ECSIT: variants seen among roughly 807,000 people sequenced by gnomAD.
ECSIT encodes the protein ECSIT signaling integrator.
A neutral mutation model predicts 36.8 loss-of-function variants in ECSIT; 29 were observed. That is an observed-to-expected ratio of 0.79 (90% confidence interval 0.59 to 1.08). The LOEUF (loss-of-function observed/expected upper bound fraction) is 1.08, where lower values mean the gene tolerates loss of function less well. Ranked by LOEUF, ECSIT falls within the 50% of genes least tolerant of loss-of-function variation. ECSIT has a pLI of 0.00. For missense variants in ECSIT, 542 were observed against 581.0 expected (o/e 0.93, Z 0.69); for synonymous variants, 231 against 234.8 (o/e 0.98, Z 0.15).
chr19:11,521,565 G>A (rs1052838539), intron 1 of ECSIT, among the ~76,000 whole-genome samples: 8 of 150,834 alleles, frequency 5.3e-5, no homozygotes, highest in Non-Finnish European at 8.8e-5. Flanking sequence ...CCAGGAGTTC[G>A]AGAGCAGCCT....
At chr19:11,527,308 C>T (rs755042613) in intron 1 of ECSIT, among the ~76,000 whole-genome samples, 3 of 152,090 alleles carry the variant, frequency 2.0e-5, no homozygotes, top group Non-Finnish European at 2.9e-5. Context: ...GGCGACAGAG[C>T]GAGATTCCAT....
At position 11,506,558 on chromosome 19, in the gene ECSIT, G is replaced by A. The variant is rs1317548260; in HGVS notation, c.1052-130C>T. ...TTTTTTTTTTTTTTTTTTTTGAGAC[G>A]GAGTCTCGCTGTGTCACCCAGGCTG... On this transcript the variant is annotated intron_variant, in intron 7 of 7. Coordinates refer to ENST00000270517, the MANE Select transcript of ECSIT (RefSeq NM_016581.5). The A allele has an allele frequency of 1.5e-5, 16 of 1,098,426 alleles. No homozygotes were observed. In the East Asian group the frequency reaches 4.2e-4, roughly 29 times the overall value. 68.0% of individuals were successfully genotyped at this position (1,098,426 alleles called of 1,614,324 possible).
chr19:11,505,932 G>A lies in ECSIT; in HGVS notation c.*252C>T, dbSNP rs751259802. On this transcript the variant is annotated 3_prime_UTR_variant, in exon 8 of 8. Transcript: ENST00000270517. ...GACCAAGAATGGAAACTGCGCATGC[G>A]CACAACCAACAGCGCTCCCGCCCCT... is the stretch of plus-strand genomic sequence containing the variant. 33 of 898,062 alleles carry A rather than the reference G, an allele frequency of 3.7e-5. No individual in the cohort carries two copies. Among genetic ancestry groups the A allele is most frequent in the Non-Finnish European group, 5.1e-5 (32 of 626,714 alleles). The allele number at this position is 898,062 out of a possible 1,614,324, so 55.6% of individuals were successfully genotyped here. A position where few individuals can be genotyped will look rare whatever the true frequency, so the allele number is the denominator to read the frequency against.
In ECSIT at chr19:11,513,386, A is replaced by G. The variant is rs916850938; in HGVS notation, c.515-107T>C. 6 of 972,344 alleles carry G rather than the reference A, an allele frequency of 6.2e-6. No individual in the cohort carries two copies. The Middle Eastern group carries it at 6.2e-4, about 100-fold the overall frequency. 60.2% of individuals were successfully genotyped at this position (972,344 alleles called of 1,614,324 possible). A position where few individuals can be genotyped will look rare whatever the true frequency, so the allele number is the denominator to read the frequency against. On this transcript the variant is annotated intron_variant, in intron 3 of 7. Coordinates refer to ENST00000270517, the MANE Select transcript of ECSIT (RefSeq NM_016581.5). ...GAGGGAATTGATCACAGACAGGGAG[A>G]AAAGAATCAGAGAGAATTAGAAAGA...
intron 1 of ECSIT, among the ~76,000 whole-genome samples, chr19:11,526,719 C>CTTTTTT (rs549859600): frequency 1.5e-5 from 2 of 131,740 alleles, no homozygotes; most frequent in African/African-American, 5.8e-5. Flanking sequence ...CCAGAGGGAG[C>CTTTTTT]TTTTTTTTTT....
intron 1 of ECSIT, among the ~76,000 whole-genome samples, chr19:11,524,571 G>A (rs746791487): frequency 2.0e-5 from 3 of 151,872 alleles, no homozygotes; most frequent in South Asian, 2.1e-4. Flanking sequence ...TGGGCACAGC[G>A]GCTCATGCTT....
chr19:11,520,335 CT>C (rs1178343435), intron 1 of ECSIT, among the ~76,000 whole-genome samples: 10 of 151,924 alleles, frequency 6.6e-5, no homozygotes, highest in African/African-American at 2.4e-4. Context: ...CCACGCCCGG[CT>C]AATTTTTGTA....
rs149646232 is a variant in ECSIT at position 11,507,437 on chromosome 19, G to A, written c.1051+20C>T. 1.3e-4 allele frequency: 204 copies of A among 1,600,362 alleles called. No homozygotes were observed. The highest frequency in any genetic ancestry group is 7.0e-4 in the African/African-American group (52 of 74,702). ...ATTACGAGCACACATGTGAGCCACC[G>A]CACCTGGCCCAGTTTTTACCTTCAT... On this transcript the variant is annotated intron_variant, in intron 7 of 7. Transcript: ENST00000270517.
At position 11,513,999 on chromosome 19, in the gene ECSIT, T is replaced by C. The variant is rs369570938; in HGVS notation, c.319A>G (p.Ile107Val). The change falls in exon 3 of 8, where the codon ATT becomes GTT. Residue 107 changes from isoleucine to valine, a missense_variant. By Grantham distance (29) the Ile-to-Val change is conservative. Transcript: ENST00000270517. ...CGCAGGGCCAGGTAGATGAAGTCAA[T>C]GTGGCCCCGCTTACGCACGCTGTGC... ...AEHSVRKRGH[I>V]DFIYLALRKM... 3.1e-6 allele frequency: 5 copies of C among 1,614,116 alleles called. No individual in the cohort carries two copies. The highest frequency in any genetic ancestry group is 1.7e-6 in the Non-Finnish European group (2 of 1,180,056).
rs140816082 is a variant in ECSIT at position 11,506,220 on chromosome 19, G to C, written c.1260C>G (p.Asp420Glu). The change falls in exon 8 of 8, where the codon GAC becomes GAG. Residue 420 changes from aspartate to glutamate, a missense_variant. Physicochemically the swap from Asp to Glu is conservative, Grantham distance 45. Coordinates refer to ENST00000270517, the MANE Select transcript of ECSIT (RefSeq NM_016581.5). ...PPLPEDHQEE[D>E]DNLQRQQQGQ... is the part of the protein sequence containing the mutation. The stretch of plus-strand genomic sequence containing the variant: ...CCTGCTGCTGTCGCTGCAGGTTGTC[G>C]TCTTCTTCCTGGTGGTCCTCGGGCA... The C allele has an allele frequency of 1.9e-5, 31 of 1,607,976 alleles. No individual in the cohort carries two copies. Among genetic ancestry groups the C allele is most frequent in the South Asian group, 3.3e-5 (3 of 91,084 alleles).
intron 4 of ECSIT, among the ~76,000 whole-genome samples, chr19:11,511,861 C>T (rs1002017057): frequency 3.9e-5 from 6 of 151,976 alleles, no homozygotes; most frequent in South Asian, 2.1e-4. Context: ...GGTAAAACCC[C>T]GTTTCTACTA....
intron 1 of ECSIT, among the ~76,000 whole-genome samples, chr19:11,526,332 T>G (rs1410285795): frequency 2.0e-5 from 3 of 152,194 alleles, no homozygotes. Context: ...GTGATCTGTG[T>G]GCTGATGGCT....
At position 11,513,170 on chromosome 19, in the gene ECSIT, C is replaced by G. The variant is rs758191837; in HGVS notation, c.624G>C (p.Met208Ile). ...GGGGCACTGGGAAGGGGTTGACGTT[C>G]ATGAATCGAGGGAACCACAGCTTCA... Reference protein sequence around the residue: ...VRLKLWFPRFMNVNPFPVPRD... With the variant: ...VRLKLWFPRFINVNPFPVPRD... The change falls in exon 4 of 8, where the codon ATG becomes ATC. Residue 208 changes from methionine (M) to isoleucine (I), a missense_variant. Transcript: ENST00000270517. 6.2e-7 allele frequency: 1 copy of G among 1,614,164 alleles called. No individual in the cohort carries two copies. The highest frequency in any genetic ancestry group is 8.5e-7 in the Non-Finnish European group (1 of 1,180,034).
intron 1 of ECSIT, among the ~76,000 whole-genome samples, chr19:11,521,263 A>C (rs1972097374): frequency 6.6e-6 from 1 of 152,184 alleles, no homozygotes; most frequent in African/African-American, 2.4e-5. Context: ...ATGTGAACAC[A>C]TGTTTATACT....
intron 2 of ECSIT, chr19:11,516,426 C>G (rs140012980): frequency 1.2e-4 from 19 of 152,146 alleles, no homozygotes; most frequent in Non-Finnish European, 2.8e-4. Flanking sequence ...CAAGGTTGTA[C>G]TGTGCTTTGA....
chr19:11,528,110 C>T (rs1356392250), intron 1 of ECSIT, among the ~76,000 whole-genome samples: 7 of 152,244 alleles, frequency 4.6e-5, no homozygotes, highest in Non-Finnish European at 8.8e-5. Flanking sequence ...AAGTTTATCC[C>T]ATCTCAGAAC....
At chr19:11,517,753 C>T (rs185695569) in intron 2 of ECSIT, among the ~76,000 whole-genome samples, 115 of 152,148 alleles carry the variant, frequency 7.6e-4, no homozygotes, top group African/African-American at 2.5e-3. Context: ...AGTGCGGGGC[C>T]GGGCACAGAG....
chr19:11,518,980 C>T, intron 2 of ECSIT, 95 bp downstream of exon 2: 1 of 1,071,260 alleles, frequency 9.3e-7, no homozygotes, highest in Admixed American at 2.0e-5. Context: ...CCCAGACTCA[C>T]CAGAACTGGC....
chr19:11,522,171 G>A (rs1258382201), intron 1 of ECSIT: 36 of 459,238 alleles, frequency 7.8e-5, no homozygotes, highest in Non-Finnish European at 1.2e-4. Context: ...GCAGGCATTC[G>A]AGAAGTACCG....
Sources: allele counts gnomAD v4.1 joint callset (sites outside exome capture counted in the v4.1 genomes callset), GRCh38; gene constraint gnomAD v4.1.1; transcripts MANE v1.5; gene names NCBI Gene and HGNC (gene_info 2026-07-23, HGNC 2026-07-21).